The following MEGF8 variants were observed in gnomAD, a reference collection of about 807,000 sequenced individuals.
MEGF8 encodes the protein multiple EGF like domains 8, also known as multiple epidermal growth factor-like domains protein 8.
In MEGF8, 156 loss-of-function variants were observed where a neutral mutation model predicts 302.9. That is an observed-to-expected ratio of 0.52 (90% CI 0.45 to 0.59). MEGF8 has a LOEUF of 0.59. Ranked by LOEUF, MEGF8 falls within the 20% of genes least tolerant of loss-of-function variation. MEGF8 has a pLI of 0.00. For synonymous variants in MEGF8, 1,621 were observed against 1,660.5 expected (o/e 0.98, Z 0.58); for missense variants, 3,345 against 3,964.5 (o/e 0.84, Z 4.20).
chr19:42,344,575 C>T lies in MEGF8; in HGVS notation c.1923C>T (p.Leu641=). 1 of 1,594,910 alleles carries T rather than the reference C, an allele frequency of 6.3e-7. No homozygotes were observed. The highest frequency in any genetic ancestry group is 8.5e-7 in the Non-Finnish European group (1 of 1,173,240). The change falls in exon 11 of 42, where the codon CTC becomes CTT. Residue 641 remains leucine, a synonymous_variant. Coordinates refer to ENST00000251268, the MANE Select transcript of MEGF8 (RefSeq NM_001271938.2). The surrounding 1 kb of genome is among the most constrained non-coding windows in gnomAD (Gnocchi z 4.5). The stretch of plus-strand genomic sequence containing the variant: ...GGTGCGTGCACAATGAGAGCTGCCT[C>T]CCTAGGCCTGGTGAGTGTCCGCAGC... The part of the protein sequence containing the change: ...LGWCVHNESC[L]PRPEQARCRG...
In MEGF8 at chr19:42,369,735, G is replaced by A. The variant is rs372706148; in HGVS notation, c.6834+12G>A. On this transcript the variant is annotated intron_variant, in intron 38 of 41. Transcript: ENST00000251268. The surrounding 1 kb of genome is among the most constrained non-coding windows in gnomAD (Gnocchi z 5.7). ...GCAACCACACCAAGGTGGGCCGCCC[G>A]GAGCCTCAGACCCCCGACCCTGGGA... The A allele has an allele frequency of 1.1e-5, 17 of 1,591,112 alleles. No individual in the cohort carries two copies. The highest frequency in any genetic ancestry group is 5.6e-5 in the South Asian group (5 of 88,852).
intron 8 of MEGF8, 65 bp downstream of exon 8, chr19:42,337,271 G>A: frequency 1.2e-6 from 2 of 1,605,378 alleles, no homozygotes; most frequent in Non-Finnish European, 1.7e-6. Flanking sequence ...AGTGATTCTG[G>A]GCTCAAGCCA....
Position 42,369,756 on chromosome 19 carries a change from T to G in MEGF8, c.6834+33T>G. 1 of 1,562,398 alleles carries G rather than the reference T, an allele frequency of 6.4e-7. No individual in the cohort carries two copies. Among genetic ancestry groups the G allele is most frequent in the Non-Finnish European group, 8.6e-7 (1 of 1,156,100 alleles). Reference sequence around the variant, plus strand: ...GCCCGGAGCCTCAGACCCCCGACCCTGGGACCCAGGCCCTCACTTGCCTTC... The same window carrying G: ...GCCCGGAGCCTCAGACCCCCGACCCGGGGACCCAGGCCCTCACTTGCCTTC... On this transcript the variant is annotated intron_variant, in intron 38 of 41. Transcript: ENST00000251268. This position sits in a 1 kb window ranked among gnomAD's most constrained non-coding sequence, Gnocchi z 5.7.
chr19:42,359,475 A>G (rs1382467364), intron 31 of MEGF8, among the ~76,000 whole-genome samples: 1 of 151,678 alleles, frequency 6.6e-6, no homozygotes, highest in Non-Finnish European at 1.5e-5. Flanking sequence ...TATAATTTGT[A>G]AAATAGGAAA....
rs746382407 is a variant in MEGF8, at chr19:42,335,278, A to G, written c.740-19A>G. 1 of 1,613,904 alleles carries G rather than the reference A, an allele frequency of 6.2e-7. No homozygotes were observed. ...CGGCAGCCTATGGCCAGGGCATGAGACTATCCACCCCTCCACAGGCCAGGA... is the reference window on the plus strand; with the variant it reads ...CGGCAGCCTATGGCCAGGGCATGAGGCTATCCACCCCTCCACAGGCCAGGA... On this transcript the variant is annotated intron_variant, in intron 4 of 41. Coordinates refer to ENST00000251268, the MANE Select transcript of MEGF8 (RefSeq NM_001271938.2).
intron 1 of MEGF8, among the ~76,000 whole-genome samples, chr19:42,328,862 A>G (rs1003359340): frequency 1.3e-5 from 2 of 152,124 alleles, no homozygotes; most frequent in Admixed American, 6.6e-5. Flanking sequence ...AAAAAAAAGA[A>G]AAAACGTCTC....
At position 42,361,011 on chromosome 19, in the gene MEGF8, C is replaced by G; in HGVS notation, c.5720+5C>G. 1 of 1,536,442 alleles carries G rather than the reference C, an allele frequency of 6.5e-7. No homozygotes were observed. Among genetic ancestry groups the G allele is most frequent in the Non-Finnish European group, 8.8e-7 (1 of 1,141,598 alleles). The stretch of plus-strand genomic sequence containing the variant: ...GTCCGGGGATCAGGCCCACAGGTAA[C>G]CATGGCGACCATGACAGGCAGTGGG... On this transcript the variant is annotated splice_donor_5th_base_variant and intron_variant, in intron 32 of 41. Transcript: ENST00000251268.
At position 42,377,392 on chromosome 19, in the gene MEGF8, C is replaced by T. The variant is rs928732500; in HGVS notation, c.*617C>T. 4 of 152,708 alleles carry T rather than the reference C, an allele frequency of 2.6e-5. No homozygotes were observed. Among genetic ancestry groups the T allele is most frequent in the Non-Finnish European group, 5.9e-5 (4 of 68,148 alleles). 9.5% of individuals were successfully genotyped at this position (152,708 alleles called of 1,614,324 possible). A position where few individuals can be genotyped will look rare whatever the true frequency, so the allele number is the denominator to read the frequency against. On this transcript the variant is annotated 3_prime_UTR_variant, in exon 42 of 42. Coordinates refer to ENST00000251268, the MANE Select transcript of MEGF8 (RefSeq NM_001271938.2). ...TAGTCAGGGGCTGGATCACCCAGGGCCTTGTGGGCCCCACATAGGGTTTTG... is the reference window on the plus strand; with the variant it reads ...TAGTCAGGGGCTGGATCACCCAGGGTCTTGTGGGCCCCACATAGGGTTTTG...
chr19:42,334,917 T>C, intron 3 of MEGF8, 118 bp from the exon 4 acceptor site: 2 of 975,456 alleles, frequency 2.1e-6, no homozygotes, highest in Non-Finnish European at 2.9e-6. Flanking sequence ...TGTCTCTTTC[T>C]CTCTCCCTTT....
intron 1 of MEGF8, among the ~76,000 whole-genome samples, chr19:42,327,693 G>A (rs2039003039): frequency 6.6e-6 from 1 of 152,342 alleles, no homozygotes; most frequent in African/African-American, 2.4e-5. Flanking sequence ...TGAGATCAGA[G>A]GCATCTGTAC....
intron 1 of MEGF8, among the ~76,000 whole-genome samples, chr19:42,328,486 G>A (rs2039013755): frequency 6.6e-6 from 1 of 152,054 alleles, no homozygotes; most frequent in Admixed American, 6.6e-5. Flanking sequence ...ATGAAGGCCT[G>A]TTTCTCAGTG....
Position 42,336,664 on chromosome 19 carries a change from C to T in MEGF8, c.1245-143C>T. The T allele has an allele frequency of 3.1e-6, 4 of 1,273,228 alleles. No individual in the cohort carries two copies. The highest frequency in any genetic ancestry group is 4.3e-6 in the Non-Finnish European group (4 of 939,168). 78.9% of individuals were successfully genotyped at this position (1,273,228 alleles called of 1,614,324 possible). ...CTCAGAGATGACTCAGGGTCCTGCCCACAGGGAACTTCTAGTTTGGAGGGG... is the reference window on the plus strand; with the variant it reads ...CTCAGAGATGACTCAGGGTCCTGCCTACAGGGAACTTCTAGTTTGGAGGGG... On this transcript the variant is annotated intron_variant, in intron 6 of 41. Coordinates refer to ENST00000251268, the MANE Select transcript of MEGF8 (RefSeq NM_001271938.2). This position sits in a 1 kb window ranked among gnomAD's most constrained non-coding sequence, Gnocchi z 4.8.
intron 35 of MEGF8, among the ~76,000 whole-genome samples, chr19:42,367,098 T>C (rs961181685): frequency 6.6e-6 from 1 of 152,188 alleles, no homozygotes; most frequent in Non-Finnish European, 1.5e-5. Flanking sequence ...ATAAAGTGCC[T>C]TATACACTGA....
chr19:42,352,137 C>T lies in MEGF8; in HGVS notation c.3102-71C>T. 2.1e-6 allele frequency: 3 copies of T among 1,446,028 alleles called. No individual in the cohort carries two copies. The highest frequency in any genetic ancestry group is 2.7e-6 in the Non-Finnish European group (3 of 1,092,978). 89.6% of individuals were successfully genotyped at this position (1,446,028 alleles called of 1,614,324 possible). On this transcript the variant is annotated intron_variant, in intron 18 of 41. Coordinates refer to ENST00000251268, the MANE Select transcript of MEGF8 (RefSeq NM_001271938.2). This position sits in a 1 kb window ranked among gnomAD's most constrained non-coding sequence, Gnocchi z 4.4. ...CTCCTTCCAATTGGCCTCCTCTCTC[C>T]CTGTCATTGTTTCTATGTATGGCTC...
Position 42,353,474 on chromosome 19 carries a change from G to T in MEGF8, c.3560G>T (p.Trp1187Leu). The change falls in exon 21 of 42, where the codon TGG becomes TTG. Residue 1187 changes from tryptophan (W) to leucine (L), a missense_variant. Coordinates refer to ENST00000251268, the MANE Select transcript of MEGF8 (RefSeq NM_001271938.2). This position sits in a 1 kb window ranked among gnomAD's most constrained non-coding sequence, Gnocchi z 6.1. Reference sequence around the variant, plus strand: ...GCTGGGGCCTCCACAGACTGGACATGGGGGGAGCACTGCGAACGATGCCGG... The same window carrying T: ...GCTGGGGCCTCCACAGACTGGACATTGGGGGAGCACTGCGAACGATGCCGG... Reference protein sequence around the residue: ...GFCDECQDWTWGEHCERCRPG... With the variant: ...GFCDECQDWTLGEHCERCRPG... 1 of 1,610,302 alleles carries T rather than the reference G, an allele frequency of 6.2e-7. No individual in the cohort carries two copies. The highest frequency in any genetic ancestry group is 8.5e-7 in the Non-Finnish European group (1 of 1,179,272).
chr19:42,342,240 G>A (rs2039225053), intron 8 of MEGF8, among the ~76,000 whole-genome samples: 1 of 152,224 alleles, frequency 6.6e-6, no homozygotes, highest in Non-Finnish European at 1.5e-5. Flanking sequence ...AGTGCACGCA[G>A]GTCAGTAAGA....
Position 42,344,613 on chromosome 19 carries a change from G to A in MEGF8, c.1933+28G>A. 6.4e-7 allele frequency: 1 copy of A among 1,574,478 alleles called. No individual in the cohort carries two copies. Among genetic ancestry groups the A allele is most frequent in the Non-Finnish European group, 8.6e-7 (1 of 1,158,156 alleles). Reference sequence around the variant, plus strand: ...GAGTGTCCGCAGCAGTGGGCCGGCAGGAGGGGGCCAGAGCACTCCACACTG... The same window carrying A: ...GAGTGTCCGCAGCAGTGGGCCGGCAAGAGGGGGCCAGAGCACTCCACACTG... On this transcript the variant is annotated intron_variant, in intron 11 of 41. Transcript: ENST00000251268. The surrounding 1 kb of genome is among the most constrained non-coding windows in gnomAD (Gnocchi z 4.5).
Position 42,352,195 on chromosome 19 carries a change from TCC to T in MEGF8, c.3102-11_3102-10del. 2 of 1,508,554 alleles carry T rather than the reference TCC, an allele frequency of 1.3e-6. No homozygotes were observed. Among genetic ancestry groups the T allele is most frequent in the Non-Finnish European group, 1.8e-6 (2 of 1,123,958 alleles). 93.4% of individuals were successfully genotyped at this position (1,508,554 alleles called of 1,614,324 possible). A position where few individuals can be genotyped will look rare whatever the true frequency, so the allele number is the denominator to read the frequency against. Reference sequence around the variant, plus strand: ...TATGTTGTCCCCCGCTTCTTCACTCTCCCACCCTGCAGGTGCCTACAGGGGGA... The same window carrying T: ...TATGTTGTCCCCCGCTTCTTCACTCTCACCCTGCAGGTGCCTACAGGGGGA... On this transcript the variant is annotated splice_polypyrimidine_tract_variant and intron_variant, in intron 18 of 41. Transcript: ENST00000251268. This position sits in a 1 kb window ranked among gnomAD's most constrained non-coding sequence, Gnocchi z 4.4.
chr19:42,334,250 T>G (rs2039093099), intron 3 of MEGF8, 37 bp downstream of exon 3: 1 of 1,540,190 alleles, frequency 6.5e-7, no homozygotes, highest in Non-Finnish European at 8.8e-7. Context: ...CCTGGGGCCC[T>G]GATCTGTGAG....
Sources: gnomAD v4.1 joint callset for allele counts (sites outside exome capture counted in the v4.1 genomes callset) on GRCh38, gnomAD v4.1.1 for gene constraint, Gnocchi (gnomAD v3.1) non-coding constraint, MANE v1.5 for transcripts, NCBI Gene and HGNC (gene_info 2026-07-23, HGNC 2026-07-21) for gene names.